The following COL19A1 variants were observed in gnomAD, a reference collection of about 807,000 sequenced individuals.
COL19A1 encodes the protein collagen type XIX alpha 1 chain, also known as collagen alpha-1(XIX) chain.
A neutral mutation model predicts 190.2 loss-of-function variants in COL19A1; 159 were observed. That is an observed-to-expected ratio of 0.84 (90% CI 0.73 to 0.95). The LOEUF is 0.95. Among genes scored for constraint, COL19A1 ranks in the 40% least tolerant of loss-of-function variants. COL19A1 has a pLI of 0.00. For missense variants in COL19A1, 1,418 were observed against 1,431.9 expected, an observed-to-expected ratio of 0.99 and a Z score of 0.16; for synonymous variants, 509 against 458.9, an observed-to-expected ratio of 1.11 and a Z score of -1.39.
intron 16 of COL19A1, among the ~76,000 whole-genome samples, chr6:70,119,181 C>G (rs1017180391): frequency 6.6e-6 from 1 of 152,200 alleles, no homozygotes; most frequent in African/African-American, 2.4e-5. Flanking sequence ...ACCACCTGCT[C>G]TCCCAACCTC....
intron 42 of COL19A1, among the ~76,000 whole-genome samples, chr6:70,178,827 T>C (rs1765980898): frequency 6.6e-6 from 1 of 152,116 alleles, no homozygotes; most frequent in Admixed American, 6.5e-5. Context: ...CCCTAGAGCT[T>C]CTTTCTTTGC....
At chr6:69,955,733 CATT>C (rs1774383887) in intron 9 of COL19A1, among the ~76,000 whole-genome samples, 1 of 151,934 alleles carries the variant, frequency 6.6e-6, no homozygotes, top group Non-Finnish European at 1.5e-5. Context: ...TCCAAACTAT[CATT>C]TGAAAAATGA....
At chr6:70,150,186 C>G in intron 30 of COL19A1, 141 bp downstream of exon 30, 1 of 845,572 alleles carries the variant, frequency 1.2e-6, no homozygotes, top group South Asian at 1.6e-5. Flanking sequence ...ATTATTTTGT[C>G]GAGTGAAAAA....
At chr6:70,133,594 C>T (rs1785653795) in intron 18 of COL19A1, among the ~76,000 whole-genome samples, 1 of 152,130 alleles carries the variant, frequency 6.6e-6, no homozygotes, top group Non-Finnish European at 1.5e-5. Context: ...ATATCTTAGC[C>T]CTCCTGAGAA....
intron 15 of COL19A1, among the ~76,000 whole-genome samples, chr6:70,088,452 T>C (rs1782715735): frequency 6.6e-6 from 1 of 152,132 alleles, no homozygotes; most frequent in African/African-American, 2.4e-5. Context: ...GTCATAAATA[T>C]ATGAGTTAGA....
intron 11 of COL19A1, among the ~76,000 whole-genome samples, chr6:70,001,867 T>G (rs993977427): frequency 6.6e-6 from 1 of 152,210 alleles, no homozygotes; most frequent in African/African-American, 2.4e-5. Context: ...TTCTTTCTGT[T>G]GCCTGATTGC....
chr6:70,034,083 G>T (rs535198889), intron 12 of COL19A1, among the ~76,000 whole-genome samples, 162 bp from the exon 13 acceptor site: 1 of 152,288 alleles, frequency 6.6e-6, no homozygotes, highest in African/African-American at 2.4e-5. Context: ...CGGCACAGAT[G>T]TTGCTTATCA....
chr6:69,960,134 C>A, intron 10 of COL19A1, 94 bp downstream of exon 10: 1 of 1,212,478 alleles, frequency 8.2e-7, no homozygotes, highest in Non-Finnish European at 1.2e-6. Flanking sequence ...TTTGATTAAG[C>A]TGAATTCACT....
intron 31 of COL19A1, among the ~76,000 whole-genome samples, chr6:70,153,664 G>T (rs1787231675): frequency 6.6e-6 from 1 of 151,996 alleles, no homozygotes; most frequent in Non-Finnish European, 1.5e-5. Context: ...CCAAGGTTTT[G>T]CTCCATATTG....
At chr6:70,077,914 T>C (rs546256077) in intron 15 of COL19A1, among the ~76,000 whole-genome samples, 1 of 152,210 alleles carries the variant, frequency 6.6e-6, no homozygotes, top group Non-Finnish European at 1.5e-5. Flanking sequence ...TTGGAAAAAA[T>C]CTACACCTTT....
chr6:70,032,986 C>T (rs1351564227), intron 12 of COL19A1, among the ~76,000 whole-genome samples: 2 of 152,118 alleles, frequency 1.3e-5, no homozygotes, highest in Non-Finnish European at 2.9e-5. Flanking sequence ...TAAGACAATA[C>T]TGTATCACAT....
intron 18 of COL19A1, among the ~76,000 whole-genome samples, chr6:70,130,493 T>C (rs147496921): frequency 0.015 from 2,245 of 152,352 alleles, 53 homozygotes; most frequent in African/African-American, 0.051. Context: ...CCCAAAGTTA[T>C]GGGATTACAG....
intron 11 of COL19A1, among the ~76,000 whole-genome samples, chr6:69,974,875 C>T (rs765894352): frequency 9.7e-5 from 13 of 134,102 alleles, no homozygotes; most frequent in Non-Finnish European, 1.8e-4. Context: ...TGCAGTGGAG[C>T]GATCTAGGCT....
chr6:69,928,116 C>T (rs1424282804), intron 5 of COL19A1, 84 bp downstream of exon 5: 24 of 1,524,668 alleles, frequency 1.6e-5, no homozygotes, highest in African/African-American at 4.1e-5. Flanking sequence ...CACAAATTTG[C>T]GAGTAGATCT....
chr6:69,984,275 T>C (rs1194112131), intron 11 of COL19A1, among the ~76,000 whole-genome samples: 2 of 152,106 alleles, frequency 1.3e-5, no homozygotes, highest in African/African-American at 4.8e-5. Flanking sequence ...TTAACATATT[T>C]CCACTTCTTC....
In COL19A1 at chr6:70,035,915, A is replaced by G; in HGVS notation, c.1146A>G (p.Gly382=). The part of the protein sequence containing the change: ...PGPKGEKGDT[G]PPGPPALPGS... Reference sequence around the variant, plus strand: ...TTAATCTATTTTAGGGAGATACAGGACCCCCAGGACCACCAGCCTTACCTG... The same window carrying G: ...TTAATCTATTTTAGGGAGATACAGGGCCCCCAGGACCACCAGCCTTACCTG... Residue 382 remains glycine, a synonymous_variant, in exon 14 of 51, where the codon GGA becomes GGG. Coordinates refer to ENST00000620364, the MANE Select transcript of COL19A1 (RefSeq NM_001858.6). 6.2e-7 allele frequency: 1 copy of G among 1,613,422 alleles called. No homozygotes were observed. The highest frequency in any genetic ancestry group is 8.5e-7 in the Non-Finnish European group (1 of 1,179,452).
intron 9 of COL19A1, among the ~76,000 whole-genome samples, chr6:69,951,094 G>A (rs1418090095): frequency 6.6e-6 from 1 of 151,772 alleles, no homozygotes; most frequent in Admixed American, 6.6e-5. Flanking sequence ...CTTTTACTAA[G>A]TTAATTTTGC....
intron 14 of COL19A1, among the ~76,000 whole-genome samples, chr6:70,039,070 G>C (rs1422521514): frequency 6.6e-6 from 1 of 150,746 alleles, no homozygotes; most frequent in Non-Finnish European, 1.5e-5. Context: ...AAAAAAAAAA[G>C]ATTAATGGTT....
intron 9 of COL19A1, among the ~76,000 whole-genome samples, chr6:69,939,612 C>T (rs1773325958): frequency 6.6e-6 from 1 of 152,146 alleles, no homozygotes; most frequent in African/African-American, 2.4e-5. Flanking sequence ...CAGGTACTTC[C>T]ACTTGCGATA....
Sources: allele counts gnomAD v4.1 joint callset (sites outside exome capture counted in the v4.1 genomes callset), GRCh38; gene constraint gnomAD v4.1.1; transcripts MANE v1.5; gene names NCBI Gene and HGNC (gene_info 2026-07-23, HGNC 2026-07-21).